Variants in STAU2 observed in about 807,000 individuals in gnomAD.
The protein encoded by STAU2 is double-stranded RNA-binding protein Staufen homolog 2.
Under a neutral mutation model 65.9 loss-of-function variants are expected in STAU2, and 20 were observed. That is an observed-to-expected ratio of 0.30 (90% CI 0.21 to 0.44). The LOEUF (loss-of-function observed/expected upper bound fraction) is 0.44, where lower values mean the gene tolerates loss of function less well. Ranked by LOEUF, STAU2 falls within the 20% of genes least tolerant of loss-of-function variation. The pLI is 1.00. For missense variants in STAU2, 558 were observed against 683.9 expected (o/e 0.82, Z 2.05); for synonymous variants, 232 against 233.9 (o/e 0.99, Z 0.07).
chr8:73,690,775 G>C (rs1201507772), intron 4 of STAU2, among the ~76,000 whole-genome samples: 1 of 152,086 alleles, frequency 6.6e-6, no homozygotes, highest in Non-Finnish European at 1.5e-5. Flanking sequence ...TCAAAATAGA[G>C]AATTGGGATT....
intron 6 of STAU2, among the ~76,000 whole-genome samples, chr8:73,658,702 CAG>C (rs1816576871): frequency 6.6e-6 from 1 of 151,944 alleles, no homozygotes; most frequent in Admixed American, 6.6e-5. Context: ...ATCACGAGGT[CAG>C]GAGTTCAAGA....
At chr8:73,515,327 T>C (rs1355987499) in intron 13 of STAU2, among the ~76,000 whole-genome samples, 2 of 152,188 alleles carry the variant, frequency 1.3e-5, no homozygotes, top group Admixed American at 6.5e-5. Context: ...TTTTAACAAT[T>C]GGCACGACAG....
At chr8:73,492,830 T>C (rs1422765431) in intron 13 of STAU2, among the ~76,000 whole-genome samples, 2 of 151,874 alleles carry the variant, frequency 1.3e-5, no homozygotes, top group Non-Finnish European at 2.9e-5. Flanking sequence ...GCAAAGATTA[T>C]CATGGCAGTA....
chr8:73,600,718 C>A (rs73330816), intron 10 of STAU2, among the ~76,000 whole-genome samples: 4,325 of 152,278 alleles, frequency 0.028, 174 homozygotes, highest in African/African-American at 0.095. Flanking sequence ...TGTTCCCATT[C>A]CTGTATTCAC....
intron 13 of STAU2, among the ~76,000 whole-genome samples, chr8:73,448,826 G>T (rs900665800): frequency 6.6e-6 from 1 of 152,268 alleles, no homozygotes; most frequent in Non-Finnish European, 1.5e-5. Flanking sequence ...GGGACGTCGC[G>T]TGCCTGCACT....
intron 13 of STAU2, among the ~76,000 whole-genome samples, chr8:73,543,732 G>A (rs530619800): frequency 6.6e-6 from 1 of 152,138 alleles, no homozygotes; most frequent in Non-Finnish European, 1.5e-5. Flanking sequence ...TCCATGGCAG[G>A]TGCTCAATAC....
intron 6 of STAU2, among the ~76,000 whole-genome samples, chr8:73,627,768 A>C (rs1586151610): frequency 1.3e-5 from 2 of 151,958 alleles, no homozygotes; most frequent in Admixed American, 6.6e-5. Flanking sequence ...AAAAAAAAAA[A>C]AAACACTGAC....
Position 73,739,818 on chromosome 8 carries a change from T to C in STAU2, c.-146A>G, listed in dbSNP as rs970127888. The C allele has an allele frequency of 2.6e-6, 4 of 1,510,836 alleles. No homozygotes were observed. The highest frequency in any genetic ancestry group is 2.8e-5 in the African/African-American group (2 of 72,406). The allele number at this position is 1,510,836 out of a possible 1,614,324, so 93.6% of individuals were successfully genotyped here. A position where few individuals can be genotyped will look rare whatever the true frequency, so the allele number is the denominator to read the frequency against. The stretch of plus-strand genomic sequence containing the variant: ...GAGTTCTTCTTTTTCTGTCTTCTTT[T>C]TTTTCTTCAATCTTTAAAAAGTAAG... On this transcript the variant is annotated 5_prime_UTR_variant, in exon 2 of 15. Transcript: ENST00000524300.
intron 13 of STAU2, among the ~76,000 whole-genome samples, chr8:73,517,457 TG>T (rs1428198953): frequency 7.6e-6 from 1 of 131,228 alleles, no homozygotes; most frequent in African/African-American, 2.9e-5. Context: ...AAGGAACTAC[TG>T]ATAAGCAGCA....
At chr8:73,608,167 G>A (rs758818040) in intron 9 of STAU2, among the ~76,000 whole-genome samples, 2 of 152,168 alleles carry the variant, frequency 1.3e-5, no homozygotes, top group African/African-American at 2.4e-5. Flanking sequence ...GTCTCTAAAA[G>A]ATCATACTTT....
intron 13 of STAU2, among the ~76,000 whole-genome samples, chr8:73,445,897 C>CA (rs1818442078): frequency 6.6e-6 from 1 of 152,216 alleles, no homozygotes; most frequent in African/African-American, 2.4e-5. Flanking sequence ...CTGGCTCAGC[C>CA]ACTCTGGAAA....
At chr8:73,543,817 C>G (rs1419820998) in intron 13 of STAU2, among the ~76,000 whole-genome samples, 1 of 152,124 alleles carries the variant, frequency 6.6e-6, no homozygotes, top group Non-Finnish European at 1.5e-5. Context: ...AGGCCTTTGT[C>G]CATTCTCCCT....
intron 2 of STAU2, among the ~76,000 whole-genome samples, chr8:73,739,232 C>CAAA (rs34324889): frequency 5.6e-5 from 6 of 106,266 alleles, no homozygotes; most frequent in Non-Finnish European, 9.1e-5. Flanking sequence ...GACTCCATCT[C>CAAA]AAAAAAAAAA....
At chr8:73,490,993 T>C (rs772167586) in intron 13 of STAU2, among the ~76,000 whole-genome samples, 13 of 151,996 alleles carry the variant, frequency 8.6e-5, no homozygotes, top group Non-Finnish European at 1.3e-4. Flanking sequence ...ATTCATGGTA[T>C]AGTTTATTTT....
chr8:73,556,218 T>C (rs774632874), intron 12 of STAU2, among the ~76,000 whole-genome samples: 6 of 152,036 alleles, frequency 3.9e-5, no homozygotes, highest in Admixed American at 6.5e-5. Flanking sequence ...TTCCATATTA[T>C]CAGACATCTA....
chr8:73,674,455 C>A (rs1486408598), intron 5 of STAU2, among the ~76,000 whole-genome samples: 2 of 151,478 alleles, frequency 1.3e-5, no homozygotes, highest in Non-Finnish European at 3.0e-5. Flanking sequence ...TTAAGTCAAA[C>A]AAAATTAAAT....
At chr8:73,494,510 C>CT (rs1821299857) in intron 13 of STAU2, among the ~76,000 whole-genome samples, 1 of 151,618 alleles carries the variant, frequency 6.6e-6, no homozygotes, top group African/African-American at 2.4e-5. Flanking sequence ...TTAATAGACA[C>CT]TTGTTTATTT....
chr8:73,679,062 C>T (rs904104517), intron 5 of STAU2, among the ~76,000 whole-genome samples: 5 of 151,956 alleles, frequency 3.3e-5, no homozygotes, highest in Non-Finnish European at 5.9e-5. Flanking sequence ...ATATCTAAGG[C>T]GAAATTAATA....
chr8:73,594,587 G>A (rs1392758277), intron 11 of STAU2, among the ~76,000 whole-genome samples: 3 of 152,198 alleles, frequency 2.0e-5, no homozygotes, highest in African/African-American at 7.2e-5. Flanking sequence ...GCCAAGTTCT[G>A]AATTCAGGGT....
Sources: gnomAD v4.1 joint callset for allele counts (sites outside exome capture counted in the v4.1 genomes callset) on GRCh38, gnomAD v4.1.1 for gene constraint, MANE v1.5 for transcripts, NCBI Gene and HGNC (gene_info 2026-07-23, HGNC 2026-07-21) for gene names.